Variants in PMS1 observed in about 807,000 individuals in gnomAD.
The protein encoded by PMS1 is PMS1 protein homolog 1.
A neutral mutation model predicts 93.1 loss-of-function variants in PMS1; 79 were observed. The ratio of observed to expected loss-of-function variants is 0.85; its 90% CI spans 0.71 to 1.02. The LOEUF (loss-of-function observed/expected upper bound fraction) is 1.02, where lower values mean the gene tolerates loss of function less well. PMS1 is among the 50% of genes least tolerant of loss of function. The probability of loss-of-function intolerance (pLI) is 0.00; values close to 1 mark genes in which losing one functional copy is unlikely to be tolerated. For synonymous variants in PMS1, 335 were observed against 363.4 expected (o/e 0.92, Z 0.89); for missense variants, 1,064 against 1,085.3 (o/e 0.98, Z 0.28).
rs751683907 is a variant in PMS1 at position 189,805,794 on chromosome 2, T to A, written c.418+40T>A. 2.4e-5 allele frequency: 38 copies of A among 1,609,996 alleles called. No homozygotes were observed. Among genetic ancestry groups the A allele is most frequent in the Non-Finnish European group, 8.5e-6 (10 of 1,178,678 alleles). ...TTGTATACAAACATTCTTTACCTTTTCTGTCTTAATTGTTGGTTTAAAAAA... is the reference window on the plus strand; with the variant it reads ...TTGTATACAAACATTCTTTACCTTTACTGTCTTAATTGTTGGTTTAAAAAA... On this transcript the variant is annotated intron_variant, in intron 4 of 12. Transcript: ENST00000441310.
At chr2:189,804,919 C>T (rs963625240) in intron 3 of PMS1, among the ~76,000 whole-genome samples, 1 of 151,812 alleles carries the variant, frequency 6.6e-6, no homozygotes, top group Non-Finnish European at 1.5e-5. Context: ...CTGACAATGG[C>T]ATATTTTACT....
intron 10 of PMS1, among the ~76,000 whole-genome samples, chr2:189,865,345 T>C (rs1248379171): frequency 6.6e-6 from 1 of 152,214 alleles, no homozygotes; most frequent in Non-Finnish European, 1.5e-5. Flanking sequence ...TGCTTTCTTA[T>C]GTTGTTCAAC....
In PMS1 at chr2:189,805,579, A is replaced by G. The variant is rs868090437; in HGVS notation, c.316-73A>G. ...TGAGTAAATATATTATGCAATAATC[A>G]TTTCAAATCTTTGATAATGAACCCA... On this transcript the variant is annotated intron_variant, in intron 3 of 12. Transcript: ENST00000441310. The G allele has an allele frequency of 6.2e-5, 72 of 1,165,396 alleles. 1 individual carries two copies. The Middle Eastern group carries it at 7.9e-4, about 13-fold the overall frequency. The allele number at this position is 1,165,396 out of a possible 1,614,324, so 72.2% of individuals were successfully genotyped here.
intron 4 of PMS1, among the ~76,000 whole-genome samples, chr2:189,814,450 A>T (rs903343722): frequency 1.3e-5 from 2 of 152,048 alleles, no homozygotes; most frequent in Non-Finnish European, 2.9e-5. Flanking sequence ...TTTTCCCCCC[A>T]ATCTTCTTTT....
At chr2:189,836,966 A>G (rs1310194122) in intron 5 of PMS1, among the ~76,000 whole-genome samples, 1 of 152,220 alleles carries the variant, frequency 6.6e-6, no homozygotes, top group African/African-American at 2.4e-5. Context: ...ATCTGTATCT[A>G]AGGCATCTAA....
intron 2 of PMS1, among the ~76,000 whole-genome samples, 181 bp downstream of exon 2, chr2:189,792,122 T>C (rs1283376872): frequency 6.6e-6 from 1 of 152,242 alleles, no homozygotes. Flanking sequence ...ATTAACATTA[T>C]AGTAACACTA....
chr2:189,805,923 T>A lies in PMS1; in HGVS notation c.418+169T>A, dbSNP rs774479148. The A allele has an allele frequency of 5.3e-6, 8 of 1,519,536 alleles. 1 individual carries two copies. The South Asian group carries it at 9.0e-5, about 17-fold the overall frequency. The allele number at this position is 1,519,536 out of a possible 1,614,324, so 94.1% of individuals were successfully genotyped here. A position where few individuals can be genotyped will look rare whatever the true frequency, so the allele number is the denominator to read the frequency against. ...TCAGCCTTTATTCTAGCCACCAATTTCTTAAATATTTAGAATTGTTCTCAA... is the reference window on the plus strand; with the variant it reads ...TCAGCCTTTATTCTAGCCACCAATTACTTAAATATTTAGAATTGTTCTCAA... On this transcript the variant is annotated intron_variant, in intron 4 of 12. Transcript: ENST00000441310.
At chr2:189,857,552 T>G in intron 9 of PMS1, 1 of 423,736 alleles carries the variant, frequency 2.4e-6, no homozygotes, top group Non-Finnish European at 4.8e-6. Context: ...AGACCTTCAG[T>G]CCATCCTTTT....
intron 5 of PMS1, among the ~76,000 whole-genome samples, chr2:189,840,742 C>G (rs953669903): frequency 1.3e-5 from 2 of 152,254 alleles, no homozygotes; most frequent in Admixed American, 1.3e-4. Flanking sequence ...TTACCAAGAA[C>G]TATATTCTCA....
intron 5 of PMS1, among the ~76,000 whole-genome samples, chr2:189,842,177 C>T (rs5743108): frequency 0.018 from 2,785 of 152,068 alleles, 55 homozygotes; most frequent in Admixed American, 0.052. Context: ...TAGCCAGCCA[C>T]GTCTGTTCCT....
At chr2:189,786,391 A>G (rs996819119) in intron 1 of PMS1, among the ~76,000 whole-genome samples, 9 of 152,206 alleles carry the variant, frequency 5.9e-5, no homozygotes, top group African/African-American at 2.2e-4. Context: ...AGAAAGGCCG[A>G]ATGGAGGCAG....
intron 1 of PMS1, among the ~76,000 whole-genome samples, chr2:189,788,157 C>T (rs2048531145): frequency 6.6e-6 from 1 of 152,148 alleles, no homozygotes; most frequent in South Asian, 2.1e-4. Context: ...AGGAGTCAGT[C>T]TAAGTTTATA....
intron 1 of PMS1, among the ~76,000 whole-genome samples, chr2:189,786,068 T>A (rs975667360): frequency 3.3e-5 from 5 of 152,016 alleles, no homozygotes; most frequent in African/African-American, 1.2e-4. Context: ...GAGGTTGCAG[T>A]GAGCCAAAAT....
At chr2:189,840,921 A>G (rs567540767) in intron 5 of PMS1, among the ~76,000 whole-genome samples, 13 of 152,318 alleles carry the variant, frequency 8.5e-5, no homozygotes, top group African/African-American at 2.9e-4. Flanking sequence ...CTTCACTGGT[A>G]CCCTCAATTG....
chr2:189,811,171 C>A (rs1451186213), intron 4 of PMS1, among the ~76,000 whole-genome samples: 17 of 149,916 alleles, frequency 1.1e-4, no homozygotes, highest in African/African-American at 4.2e-4. Flanking sequence ...CAAACAGAAG[C>A]ACGGAAGTAG....
At chr2:189,791,488 T>A (rs1433781357) in intron 1 of PMS1, among the ~76,000 whole-genome samples, 3 of 151,704 alleles carry the variant, frequency 2.0e-5, no homozygotes, top group African/African-American at 4.8e-5. Flanking sequence ...GGTGTCCTGG[T>A]GGGCACCTGT....
chr2:189,864,202 G>A lies in PMS1; in HGVS notation c.2316G>A (p.Leu772=). 1 of 1,606,724 alleles carries A rather than the reference G, an allele frequency of 6.2e-7. No individual in the cohort carries two copies. The highest frequency in any genetic ancestry group is 8.5e-7 in the Non-Finnish European group (1 of 1,174,092). ...ATCATAAACTTCCTGCAGAGCCACTGGAAAAGCCAATTATGTTAACAGAGA... is the reference window on the plus strand; with the variant it reads ...ATCATAAACTTCCTGCAGAGCCACTAGAAAAGCCAATTATGTTAACAGAGA... ...LENHKLPAEP[L]EKPIMLTESL... The change falls in exon 10 of 13, where the codon CTG becomes CTA. Residue 772 remains leucine, a synonymous_variant. Coordinates refer to ENST00000441310, the MANE Select transcript of PMS1 (RefSeq NM_000534.5).
At chr2:189,802,557 A>G (rs1160726040) in intron 3 of PMS1, among the ~76,000 whole-genome samples, 1 of 152,188 alleles carries the variant, frequency 6.6e-6, no homozygotes, top group Non-Finnish European at 1.5e-5. Context: ...GGTCAACTGT[A>G]CATAATTTTG....
chr2:189,871,563 T>G (rs185800807), intron 11 of PMS1, among the ~76,000 whole-genome samples: 191 of 152,316 alleles, frequency 1.3e-3, no homozygotes, highest in Admixed American at 2.7e-3. Flanking sequence ...TCTGCGTATT[T>G]CTATCAGCAT....
Sources: gnomAD v4.1 joint callset for allele counts (sites outside exome capture counted in the v4.1 genomes callset) on GRCh38, gnomAD v4.1.1 for gene constraint, MANE v1.5 for transcripts, NCBI Gene and HGNC (gene_info 2026-07-23, HGNC 2026-07-21) for gene names.